Variants in DNA2 observed in about 807,000 individuals in gnomAD.
The protein encoded by DNA2 is DNA replication ATP-dependent helicase/nuclease DNA2.
In DNA2, 101 loss-of-function variants were observed where a neutral mutation model predicts 119.1. That is an observed-to-expected ratio of 0.85 (90% CI 0.72 to 1.00). The LOEUF (loss-of-function observed/expected upper bound fraction) is 1.00, where lower values mean the gene tolerates loss of function less well. Among genes scored for constraint, DNA2 ranks in the 50% least tolerant of loss-of-function variants. DNA2 has a pLI of 0.00. For synonymous variants in DNA2, 366 were observed against 424.4 expected, an observed-to-expected ratio of 0.86 and a Z score of 1.69; for missense variants, 1,121 against 1,255.5, an observed-to-expected ratio of 0.89 and a Z score of 1.62.
intron 5 of DNA2, among the ~76,000 whole-genome samples, chr10:68,450,627 T>C (rs1234120058): frequency 6.6e-6 from 1 of 152,214 alleles, no homozygotes; most frequent in Non-Finnish European, 1.5e-5. Context: ...TCATTCCTAC[T>C]ATAATCTTCT....
intron 13 of DNA2, among the ~76,000 whole-genome samples, chr10:68,431,585 T>C (rs181813591): frequency 6.6e-6 from 1 of 152,326 alleles, no homozygotes; most frequent in Non-Finnish European, 1.5e-5. Context: ...ACGCCCGGCC[T>C]CTAACATCAT....
At chr10:68,466,076 A>C (rs1171480352) in intron 3 of DNA2, among the ~76,000 whole-genome samples, 1 of 151,764 alleles carries the variant, frequency 6.6e-6, no homozygotes, top group African/African-American at 2.4e-5. Flanking sequence ...GCTGGAGCAC[A>C]GTGGCACAAT....
chr10:68,444,884 T>C (rs956553802), intron 8 of DNA2, 37 bp downstream of exon 8: 1 of 1,568,502 alleles, frequency 6.4e-7, no homozygotes. Context: ...GAGTTCATAC[T>C]CAACTAGAAA....
In DNA2 at chr10:68,437,019, TA is replaced by T; in HGVS notation, c.1637del (p.Leu546TyrfsTer2). ...AAGTAACATTTCATTACCTGTCTAA[TA>T]AACAAGTTACTGTTGTCATGTTAAT... is the stretch of plus-strand genomic sequence containing the variant. ...KEINMTTVTC[L>X]LDRNLSVLPE... On this transcript the variant is annotated frameshift_variant, in exon 10 of 21. Transcript: ENST00000358410. LOFTEE classifies it high-confidence loss of function. The T allele has an allele frequency of 6.2e-7, 1 of 1,607,770 alleles. No homozygotes were observed. The highest frequency in any genetic ancestry group is 8.5e-7 in the Non-Finnish European group (1 of 1,176,880).
intron 17 of DNA2, among the ~76,000 whole-genome samples, chr10:68,420,983 G>C (rs1180715607): frequency 6.6e-6 from 1 of 151,342 alleles, no homozygotes; most frequent in Non-Finnish European, 1.5e-5. Flanking sequence ...CTGTCACCCA[G>C]GTTGGAGTGC....
At chr10:68,462,582 G>C (rs921786622) in intron 4 of DNA2, among the ~76,000 whole-genome samples, 2 of 152,066 alleles carry the variant, frequency 1.3e-5, no homozygotes, top group African/African-American at 4.8e-5. Flanking sequence ...GATTATTCCA[G>C]TTCCTTCTTT....
chr10:68,467,236 G>A (rs1246182591), intron 3 of DNA2, among the ~76,000 whole-genome samples: 1 of 151,626 alleles, frequency 6.6e-6, no homozygotes, highest in Non-Finnish European at 1.5e-5. Context: ...TCAGCCTCTC[G>A]AGTAGCTAGG....
At chr10:68,449,664 C>A (rs2052091690) in intron 6 of DNA2, among the ~76,000 whole-genome samples, 1 of 152,114 alleles carries the variant, frequency 6.6e-6, no homozygotes, top group Non-Finnish European at 1.5e-5. Context: ...TGGCTCATGC[C>A]TGTAATCCCA....
At chr10:68,449,050 C>T (rs1327574160) in intron 6 of DNA2, among the ~76,000 whole-genome samples, 3 of 150,192 alleles carry the variant, frequency 2.0e-5, no homozygotes, top group South Asian at 4.2e-4. Context: ...CCACCCACCT[C>T]GGCCTCCCAA....
chr10:68,461,828 CAAAA>C (rs554059657), intron 4 of DNA2, among the ~76,000 whole-genome samples: 2,123 of 70,062 alleles, frequency 0.03, 29 homozygotes, highest in African/African-American at 0.084. Flanking sequence ...AACTCCGTCT[CAAAA>C]AAAAAAAAAA....
chr10:68,459,362 A>G, intron 4 of DNA2, 127 bp from the exon 5 acceptor site: 2 of 931,554 alleles, frequency 2.1e-6, no homozygotes, highest in Non-Finnish European at 3.1e-6. Context: ...AAGCAACCCA[A>G]CTGTTCGTCA....
rs1463315358 is a variant in DNA2, at chr10:68,459,185, T to C, written c.638A>G (p.Tyr213Cys). 3.2e-6 allele frequency: 5 copies of C among 1,576,228 alleles called. No homozygotes were observed. In the South Asian group the frequency reaches 3.5e-5, roughly 11 times the overall value. The change falls in exon 5 of 21, where the codon TAT becomes TGT. Residue 213 changes from tyrosine (Y) to cysteine (C), a missense_variant. By Grantham distance (194) the Tyr-to-Cys change is radical. Transcript: ENST00000358410. ...TGCCCATTTACAAAACGAAGGAAGA[T>C]AGTCCTCTACTTCTTGTTTTATTTC... The part of the protein sequence containing the change: ...QDEIKQEVED[Y>C]LPSFCKWAGD...
At chr10:68,424,848 G>A (rs759224382) in intron 14 of DNA2, 288 of 815,940 alleles carry the variant, frequency 3.5e-4, no homozygotes, top group Admixed American at 6.9e-4. Context: ...AACCGTCCAC[G>A]TGGGTACTCA....
rs1427017563 is a variant in DNA2 at position 68,469,998 on chromosome 10, G to T, written c.240C>A (p.Cys80Ter). The T allele has an allele frequency of 2.5e-6, 4 of 1,604,526 alleles. No individual in the cohort carries two copies. The highest frequency in any genetic ancestry group is 3.4e-6 in the Non-Finnish European group (4 of 1,177,904). ...AAAATTACCAGTCATTCCTAAGGAT[G>T]CATAGTTCTTTATTTTCTAGTGACT... The part of the protein sequence containing the change: ...ASQSLENKEL[C>*]ILRNDWCSVP... The change falls in exon 2 of 21, where the codon TGC becomes TGA. Residue 80 changes from cysteine to a stop codon, truncating the protein, a stop_gained. Transcript: ENST00000358410. LOFTEE classifies it high-confidence loss of function.
In DNA2 at chr10:68,443,118, A is replaced by G; in HGVS notation, c.1221-7T>C. The G allele has an allele frequency of 6.5e-7, 1 of 1,548,748 alleles. No individual in the cohort carries two copies. Among genetic ancestry groups the G allele is most frequent in the African/African-American group, 1.4e-5 (1 of 73,038 alleles). ...CATCTGTTGTTCAACTGCTCTAAAT[A>G]TAAAGTTCCAAGTTAGAGATGCTTA... On this transcript the variant is annotated splice_region_variant and splice_polypyrimidine_tract_variant and intron_variant, in intron 8 of 20. Coordinates refer to ENST00000358410, the MANE Select transcript of DNA2 (RefSeq NM_001080449.3).
chr10:68,442,490 G>A (rs187111410), intron 9 of DNA2, among the ~76,000 whole-genome samples: 5 of 151,082 alleles, frequency 3.3e-5, no homozygotes, highest in Non-Finnish European at 7.4e-5. Context: ...AGGTTCAAGC[G>A]ATTCTCCTGC....
upstream of DNA2, chr10:68,472,236 A>C: frequency 8.4e-7 from 1 of 1,189,940 alleles, no homozygotes; most frequent in African/African-American, 1.6e-5. Flanking sequence ...CTGGGACTAC[A>C]GGCGCCCAGC....
chr10:68,422,382 T>C lies in DNA2; in HGVS notation c.2540A>G (p.Glu847Gly), dbSNP rs2051677407. The C allele has an allele frequency of 6.2e-7, 1 of 1,613,930 alleles. No homozygotes were observed. The highest frequency in any genetic ancestry group is 8.5e-7 in the Non-Finnish European group (1 of 1,179,884). Residue 847 changes from glutamate (E) to glycine (G), a missense_variant, in exon 17 of 21, where the codon GAG (glutamate) becomes GGG (glycine). Transcript: ENST00000358410. ...SNKLTYEGKLECGSDKVANAV... is the reference protein window; with the variant it reads ...SNKLTYEGKLGCGSDKVANAV... ...ATTGGCCACTTTGTCTGATCCACAC[T>C]CCAGCTTGCCCTCATAGGTCAGCTT... is the stretch of plus-strand genomic sequence containing the variant.
rs759216617 is a variant in DNA2, at chr10:68,471,891, G to A, written c.-27C>T. The A allele has an allele frequency of 6.2e-7, 1 of 1,613,926 alleles. No individual in the cohort carries two copies. Among genetic ancestry groups the A allele is most frequent in the Non-Finnish European group, 8.5e-7 (1 of 1,179,810 alleles). On this transcript the variant is annotated 5_prime_UTR_variant, in exon 1 of 21. Transcript: ENST00000358410. ...CTGGACGCGGGGATCGCAAACTGTA[G>A]ACAGAAAAGACAGCGGAACCGGGGG...
Sources: allele counts gnomAD v4.1 joint callset (sites outside exome capture counted in the v4.1 genomes callset), GRCh38; gene constraint gnomAD v4.1.1; transcripts MANE v1.5; gene names NCBI Gene and HGNC (gene_info 2026-07-23, HGNC 2026-07-21).